Variants in IMMP1L observed in about 807,000 individuals in gnomAD.
IMMP1L encodes the protein inner mitochondrial membrane peptidase subunit 1.
A neutral mutation model predicts 21.8 loss-of-function variants in IMMP1L; 24 were observed. That is an observed-to-expected ratio of 1.10 (90% CI 0.80 to 1.55). The LOEUF is 1.55. Ranked by LOEUF, IMMP1L falls within the 40% of genes most tolerant of loss-of-function variation. The probability of loss-of-function intolerance (pLI) is 0.00; values close to 1 mark genes in which losing one functional copy is unlikely to be tolerated. For synonymous variants in IMMP1L, 46 were observed against 62.8 expected (o/e 0.73, Z 1.26); for missense variants, 195 against 200.7 (o/e 0.97, Z 0.17).
intron 4 of IMMP1L, among the ~76,000 whole-genome samples, chr11:31,443,246 CA>C (rs1178766108): frequency 6.6e-6 from 1 of 151,986 alleles, no homozygotes; most frequent in Non-Finnish European, 1.5e-5. Context: ...TCATAAAACC[CA>C]GTTTGTTTGA....
At chr11:31,452,422 G>T in intron 4 of IMMP1L, 2 of 985,272 alleles carry the variant, frequency 2.0e-6, no homozygotes, top group South Asian at 4.7e-5. Context: ...TTAAATAGAG[G>T]TTTACTTTGC....
intron 4 of IMMP1L, among the ~76,000 whole-genome samples, chr11:31,444,486 A>G (rs1456729865): frequency 1.3e-5 from 2 of 152,180 alleles, no homozygotes; most frequent in Non-Finnish European, 2.9e-5. Context: ...ATGTACATTA[A>G]TTATGAGTAA....
In IMMP1L at chr11:31,470,074, T is replaced by A. The variant is rs191174427; in HGVS notation, c.-29-6769A>T. Among the ~76,000 whole-genome samples, 16 of 152,246 alleles carry A rather than the reference T, an allele frequency of 1.1e-4. No homozygotes were observed. The East Asian group carries it at 2.9e-3, about 28-fold the overall frequency. ...TTGCCAGCACAACTGTAATAAAATA[T>A]ACGCTAACAGGAATAATTCAGGAAA... On this transcript the variant is annotated intron_variant, in intron 1 of 5. Transcript: ENST00000532287.
intron 4 of IMMP1L, chr11:31,452,875 C>A: frequency 3.1e-6 from 2 of 638,626 alleles, no homozygotes; most frequent in Non-Finnish European, 4.3e-6. Context: ...CTCAGCCTCC[C>A]AAGTAGCTGA....
At chr11:31,471,003 A>T (rs1232512741) in intron 1 of IMMP1L, among the ~76,000 whole-genome samples, 1 of 152,218 alleles carries the variant, frequency 6.6e-6, no homozygotes, top group African/African-American at 2.4e-5. Context: ...TGGCTAACAG[A>T]CGCAAAATTA....
At chr11:31,448,253 G>A (rs2133593721) in intron 4 of IMMP1L, among the ~76,000 whole-genome samples, 1 of 152,292 alleles carries the variant, frequency 6.6e-6, no homozygotes, top group Non-Finnish European at 1.5e-5. Flanking sequence ...AGGTTGCAGT[G>A]AGCCAAGATT....
intron 3 of IMMP1L, among the ~76,000 whole-genome samples, chr11:31,459,531 T>C (rs1291007141): frequency 6.6e-6 from 1 of 152,172 alleles, no homozygotes; most frequent in Non-Finnish European, 1.5e-5. Flanking sequence ...TTGGAATAAA[T>C]CATTCTCATA....
chr11:31,452,897 C>T lies in IMMP1L; in HGVS notation c.321+3363G>A, dbSNP rs868621681. ...TCCCAAGTAGCTGAGATGACAGGCG[C>T]CTGCCACCACGCCTGGCTAATTTTT... On this transcript the variant is annotated intron_variant, in intron 4 of 5. Transcript: ENST00000532287. 3 of 576,510 alleles carry T rather than the reference C, an allele frequency of 5.2e-6. No individual in the cohort carries two copies. The African/African-American group carries it at 6.1e-5, about 12-fold the overall frequency. 35.7% of individuals were successfully genotyped at this position (576,510 alleles called of 1,614,324 possible). A position where few individuals can be genotyped will look rare whatever the true frequency, so the allele number is the denominator to read the frequency against.
At chr11:31,507,257 G>T (rs1164822999) in intron 1 of IMMP1L, among the ~76,000 whole-genome samples, 1 of 151,824 alleles carries the variant, frequency 6.6e-6, no homozygotes, top group Non-Finnish European at 1.5e-5. Context: ...TCCAGCCCGG[G>T]GAACACACCT....
chr11:31,477,574 T>C (rs1954767987), intron 1 of IMMP1L: 2 of 984,108 alleles, frequency 2.0e-6, no homozygotes, highest in Non-Finnish European at 2.4e-6. Context: ...GCTTCATGAA[T>C]GACATCCAAG....
chr11:31,506,384 A>G (rs990266453), intron 1 of IMMP1L, among the ~76,000 whole-genome samples: 1 of 151,546 alleles, frequency 6.6e-6, no homozygotes, highest in Non-Finnish European at 1.5e-5. Context: ...GCCCGCCACC[A>G]TGCCCAGCTA....
intron 2 of IMMP1L, among the ~76,000 whole-genome samples, chr11:31,462,557 A>C (rs1161476062): frequency 6.6e-6 from 1 of 152,170 alleles, no homozygotes; most frequent in South Asian, 2.1e-4. Flanking sequence ...ATTAAGAAAA[A>C]GTATTAGTTG....
intron 1 of IMMP1L, among the ~76,000 whole-genome samples, chr11:31,475,515 G>A (rs558225086): frequency 4.6e-5 from 7 of 152,178 alleles, no homozygotes; most frequent in Admixed American, 1.3e-4. Context: ...GACCAGGGAC[G>A]GGTGCCACCA....
intron 2 of IMMP1L, among the ~76,000 whole-genome samples, chr11:31,461,087 C>T (rs1179595315): frequency 6.6e-6 from 1 of 152,132 alleles, no homozygotes; most frequent in Admixed American, 6.5e-5. Context: ...ATAAACCATA[C>T]ATATTGGTTG....
At chr11:31,486,201 AG>A (rs1286071918) in intron 1 of IMMP1L, among the ~76,000 whole-genome samples, 1 of 151,932 alleles carries the variant, frequency 6.6e-6, no homozygotes, top group Non-Finnish European at 1.5e-5. Flanking sequence ...GGAACACTCA[AG>A]AAAATGTCCT....
chr11:31,472,595 T>C (rs781005838), intron 1 of IMMP1L, among the ~76,000 whole-genome samples: 10 of 152,168 alleles, frequency 6.6e-5, no homozygotes, highest in Non-Finnish European at 1.3e-4. Flanking sequence ...TTATTCCCTA[T>C]CATATTTACA....
chr11:31,488,919 C>A (rs1049811462), intron 1 of IMMP1L, among the ~76,000 whole-genome samples: 3 of 151,528 alleles, frequency 2.0e-5, no homozygotes, highest in Non-Finnish European at 4.4e-5. Flanking sequence ...ATTTTTGAGG[C>A]GGAGTCTCGC....
At chr11:31,497,153 T>G (rs185907528) in intron 1 of IMMP1L, among the ~76,000 whole-genome samples, 4 of 151,524 alleles carry the variant, frequency 2.6e-5, no homozygotes, top group Non-Finnish European at 5.9e-5. Context: ...TTTCAACTTA[T>G]GGTATTTTCA....
chr11:31,453,012 A>T (rs1281715728), intron 4 of IMMP1L: 1 of 1,199,168 alleles, frequency 8.3e-7, no homozygotes, highest in African/African-American at 1.6e-5. Flanking sequence ...TTGGCCTCTC[A>T]AAGTGCTGGG....
Sources: allele counts gnomAD v4.1 joint callset (sites outside exome capture counted in the v4.1 genomes callset), GRCh38; gene constraint gnomAD v4.1.1; transcripts MANE v1.5; gene names NCBI Gene and HGNC (gene_info 2026-07-23, HGNC 2026-07-21).